TMEM132C: variants seen among roughly 807,000 people sequenced by gnomAD.
TMEM132C encodes transmembrane protein 132C.
TMEM132C carries 29 observed loss-of-function variants against 61.4 expected under a neutral mutation model. The ratio of observed to expected loss-of-function variants is 0.47; its 90% CI spans 0.35 to 0.64. The LOEUF (loss-of-function observed/expected upper bound fraction) is 0.64. Among genes scored for constraint, TMEM132C ranks in the 30% least tolerant of loss-of-function variants. The pLI, the probability that TMEM132C is intolerant of heterozygous loss-of-function variation, is 0.00. For missense variants in TMEM132C, 1,408 were observed against 1,476.9 expected (o/e 0.95, Z 0.76); for synonymous variants, 656 against 633.1 (o/e 1.04, Z -0.54).
chr12:128,337,952 A>G (rs555811302), intron 1 of TMEM132C, among the ~76,000 whole-genome samples: 1 of 152,284 alleles, frequency 6.6e-6, no homozygotes, highest in South Asian at 2.1e-4. Flanking sequence ...GAGGATTCCA[A>G]CACCCCAGGG....
chr12:128,577,265 C>A (rs1157047320), intron 3 of TMEM132C, among the ~76,000 whole-genome samples: 1 of 152,200 alleles, frequency 6.6e-6, no homozygotes, highest in South Asian at 2.1e-4. Context: ...TAGTTCATTT[C>A]TTTTTATGTC....
At chr12:128,475,420 G>C (rs1871125246) in intron 2 of TMEM132C, among the ~76,000 whole-genome samples, 2 of 152,088 alleles carry the variant, frequency 1.3e-5, no homozygotes, top group Non-Finnish European at 2.9e-5. Context: ...AATGGGGAGG[G>C]ACCGCTAACT....
intron 1 of TMEM132C, among the ~76,000 whole-genome samples, chr12:128,320,484 G>A (rs956176020): frequency 5.3e-5 from 8 of 152,090 alleles, no homozygotes; most frequent in African/African-American, 1.7e-4. Flanking sequence ...AGGTGAAGAT[G>A]GCCAGGTGCA....
intron 1 of TMEM132C, among the ~76,000 whole-genome samples, chr12:128,343,231 C>T (rs1335073797): frequency 2.0e-5 from 3 of 152,094 alleles, no homozygotes; most frequent in Non-Finnish European, 4.4e-5. Context: ...TGAGACCATC[C>T]TGGCCAACAT....
intron 2 of TMEM132C, among the ~76,000 whole-genome samples, chr12:128,512,110 G>T (rs115496289): frequency 1.6e-3 from 246 of 151,916 alleles, no homozygotes; most frequent in African/African-American, 5.5e-3. Flanking sequence ...TCTTTTTAAG[G>T]TATGTCATTA....
chr12:128,302,801 A>G (rs1005239874), intron 1 of TMEM132C, among the ~76,000 whole-genome samples: 23 of 152,334 alleles, frequency 1.5e-4, no homozygotes, highest in African/African-American at 5.5e-4. Context: ...TTGAAGATCC[A>G]CGGGCTGAAT....
At chr12:128,469,498 G>T (rs962012672) in intron 2 of TMEM132C, among the ~76,000 whole-genome samples, 1 of 151,778 alleles carries the variant, frequency 6.6e-6, no homozygotes, top group Admixed American at 6.6e-5. Context: ...TGTATGTTTG[G>T]TAGAGACAGG....
In TMEM132C at chr12:128,588,291, G is replaced by A. The variant is rs142642244; in HGVS notation, c.1122-27861G>A. Reference sequence around the variant, plus strand: ...TCTACAAAAAATTTTTAAAAGTTAGGTGTGGTGGCATGTGCCTGTAATCTC... The same window carrying A: ...TCTACAAAAAATTTTTAAAAGTTAGATGTGGTGGCATGTGCCTGTAATCTC... On this transcript the variant is annotated intron_variant, in intron 3 of 8. Transcript: ENST00000435159. 3.7e-3 allele frequency among the ~76,000 whole-genome samples: 559 copies of A among 152,200 alleles called. 3 individuals carry two copies. The highest frequency in any genetic ancestry group is 0.013 in the African/African-American group (529 of 41,522).
chr12:128,340,443 A>G (rs996533007), intron 1 of TMEM132C, among the ~76,000 whole-genome samples: 3 of 152,220 alleles, frequency 2.0e-5, no homozygotes, highest in Non-Finnish European at 4.4e-5. Context: ...TAATAAATAA[A>G]GAGCTGTTAC....
intron 2 of TMEM132C, among the ~76,000 whole-genome samples, chr12:128,477,834 G>A (rs561275137): frequency 1.6e-4 from 25 of 152,204 alleles, no homozygotes; most frequent in East Asian, 1.4e-3. Flanking sequence ...TGCCCACCTC[G>A]GCCTCCCAGA....
At chr12:128,558,612 A>T (rs540152849) in intron 3 of TMEM132C, among the ~76,000 whole-genome samples, 1 of 152,354 alleles carries the variant, frequency 6.6e-6, no homozygotes, top group South Asian at 2.1e-4. Context: ...AGACTAATAC[A>T]GTGGCACATG....
intron 3 of TMEM132C, among the ~76,000 whole-genome samples, chr12:128,594,143 T>C (rs1378714510): frequency 1.3e-5 from 2 of 151,236 alleles, no homozygotes; most frequent in Non-Finnish European, 2.9e-5. Flanking sequence ...AGTCTGAGAA[T>C]CATTTGCTCC....
At chr12:128,341,282 G>A (rs1565906339) in intron 1 of TMEM132C, among the ~76,000 whole-genome samples, 3 of 152,132 alleles carry the variant, frequency 2.0e-5, no homozygotes, top group Non-Finnish European at 4.4e-5. Context: ...TTCTCAGGAT[G>A]TCTAGGATGG....
intron 1 of TMEM132C, among the ~76,000 whole-genome samples, chr12:128,390,321 T>C (rs1282325572): frequency 6.6e-6 from 1 of 152,226 alleles, no homozygotes; most frequent in Non-Finnish European, 1.5e-5. Context: ...GCTATGTTCC[T>C]CCTGGCAGCT....
chr12:128,489,197 G>A (rs76106835), intron 2 of TMEM132C, among the ~76,000 whole-genome samples: 3,158 of 152,082 alleles, frequency 0.021, 112 homozygotes, highest in African/African-American at 0.07. Context: ...TACTGATGGG[G>A]GCGTTTTCCT....
Position 128,706,720 on chromosome 12 carries a change from C to G in TMEM132C, c.*425C>G, listed in dbSNP as rs1954843634. Reference sequence around the variant, plus strand: ...AATAGGACCTGCTAAGAGACATTTTCCATTCTAATTCACGATTCACTTTTC... The same window carrying G: ...AATAGGACCTGCTAAGAGACATTTTGCATTCTAATTCACGATTCACTTTTC... On this transcript the variant is annotated 3_prime_UTR_variant, in exon 9 of 9. Coordinates refer to ENST00000435159, the MANE Select transcript of TMEM132C (RefSeq NM_001136103.3). 1 of 155,410 alleles carries G rather than the reference C, an allele frequency of 6.4e-6. No homozygotes were observed. Among genetic ancestry groups the G allele is most frequent in the African/African-American group, 2.4e-5 (1 of 41,534 alleles). The allele number at this position is 155,410 out of a possible 1,614,324, so 9.6% of individuals were successfully genotyped here.
intron 1 of TMEM132C, among the ~76,000 whole-genome samples, chr12:128,271,267 TATAATAATA>T (rs72149112): frequency 0.04 from 5,769 of 142,978 alleles, 131 homozygotes; most frequent in African/African-American, 0.061. Context: ...ATAATAATAA[TATAATAATA>T]ATAATAATAA....
In TMEM132C at chr12:128,326,635, G is replaced by A. The variant is rs866003956; in HGVS notation, c.85+59148G>A. 6.6e-6 allele frequency among the ~76,000 whole-genome samples: 1 copy of A among 152,098 alleles called. No individual in the cohort carries two copies. ...TGCAAAGCCCCAGGATTACAGCGTG[G>A]GTAATTAGACTGTCACTCTCGAGGA... is the stretch of plus-strand genomic sequence containing the variant. On this transcript the variant is annotated intron_variant, in intron 1 of 8. Coordinates refer to ENST00000435159, the MANE Select transcript of TMEM132C (RefSeq NM_001136103.3). The surrounding 1 kb of genome is among the most constrained non-coding windows in gnomAD (Gnocchi z 5.6).
intron 2 of TMEM132C, among the ~76,000 whole-genome samples, chr12:128,488,051 C>T (rs190929255): frequency 1.3e-5 from 2 of 152,190 alleles, no homozygotes; most frequent in Non-Finnish European, 2.9e-5. Flanking sequence ...TGGGAAAGAG[C>T]AGAGTTCTAA....
Sources: gnomAD v4.1 joint callset for allele counts (sites outside exome capture counted in the v4.1 genomes callset) on GRCh38, gnomAD v4.1.1 for gene constraint, Gnocchi (gnomAD v3.1) non-coding constraint, MANE v1.5 for transcripts, NCBI Gene and HGNC (gene_info 2026-07-23, HGNC 2026-07-21) for gene names.